Variants in SDAD1 observed in about 807,000 individuals in gnomAD.
The protein encoded by SDAD1 is protein SDA1 homolog.
A neutral mutation model predicts 100.3 loss-of-function variants in SDAD1; 79 were observed. The ratio of observed to expected loss-of-function variants is 0.79; its 90% confidence interval spans 0.66 to 0.95. The LOEUF (loss-of-function observed/expected upper bound fraction) is 0.95. SDAD1 is among the 40% of genes least tolerant of loss of function. The pLI is 0.00. For synonymous variants in SDAD1, 267 were observed against 271.4 expected, an observed-to-expected ratio of 0.98 and a Z score of 0.16; for missense variants, 790 against 810.9, an observed-to-expected ratio of 0.97 and a Z score of 0.31.
At chr4:75,986,823 G>A (rs1279812719) in intron 1 of SDAD1, among the ~76,000 whole-genome samples, 2 of 152,108 alleles carry the variant, frequency 1.3e-5, no homozygotes, top group Non-Finnish European at 2.9e-5. Context: ...TTTCAGCTTG[G>A]AGACCAGCCT....
chr4:75,955,336 A>C (rs377567712), intron 21 of SDAD1, among the ~76,000 whole-genome samples: 7 of 152,048 alleles, frequency 4.6e-5, no homozygotes, highest in African/African-American at 1.7e-4. Flanking sequence ...CAGGACCAGA[A>C]GGCGGTGACC....
chr4:75,954,304 C>T (rs1192498545), intron 21 of SDAD1, among the ~76,000 whole-genome samples: 1 of 150,874 alleles, frequency 6.6e-6, no homozygotes, highest in Non-Finnish European at 1.5e-5. Context: ...ATGCCGTGAA[C>T]CCGGGAGGCA....
rs544192309 is a variant in SDAD1 at position 75,959,482 on chromosome 4, T to C, written c.1483+584A>G. Among the ~76,000 whole-genome samples, 336 of 152,088 alleles carry C rather than the reference T, an allele frequency of 2.2e-3. 1 individual carries two copies. Among genetic ancestry groups the C allele is most frequent in the Non-Finnish European group, 4.1e-3 (277 of 67,996 alleles). ...AGTCAGGCATGGCTGCACACGCCTG[T>C]AATCCCAGCTACTCAAGATGCCGAG... On this transcript the variant is annotated intron_variant, in intron 17 of 21. Coordinates refer to ENST00000356260, the MANE Select transcript of SDAD1 (RefSeq NM_018115.4).
chr4:75,990,887 A>T lies in SDAD1; in HGVS notation c.-46T>A, dbSNP rs1202225730. The T allele has an allele frequency of 8.1e-6, 13 of 1,612,490 alleles. No individual in the cohort carries two copies. The highest frequency in any genetic ancestry group is 1.1e-5 in the Non-Finnish European group (13 of 1,179,168). On this transcript the variant is annotated 5_prime_UTR_variant, in exon 1 of 22. Transcript: ENST00000356260. The stretch of plus-strand genomic sequence containing the variant: ...GCGGCGAGCAGTTTTAAAAAAACTC[A>T]GACGGCCGGCACCCCGCAATCCCTG...
chr4:75,965,004 T>C (rs1035363375), intron 13 of SDAD1, among the ~76,000 whole-genome samples: 4 of 152,202 alleles, frequency 2.6e-5, no homozygotes, highest in Admixed American at 2.0e-4. Flanking sequence ...GTAACAGCGA[T>C]GTTCAGGGAA....
chr4:75,963,906 T>A (rs962681842), intron 14 of SDAD1, among the ~76,000 whole-genome samples: 2 of 152,156 alleles, frequency 1.3e-5, no homozygotes, highest in African/African-American at 4.8e-5. Context: ...AAAGTAAAAC[T>A]GCTAAAAAAC....
At chr4:75,988,529 A>G (rs1255427264) in intron 1 of SDAD1, among the ~76,000 whole-genome samples, 1 of 152,194 alleles carries the variant, frequency 6.6e-6, no homozygotes, top group Non-Finnish European at 1.5e-5. Flanking sequence ...CCCAACATAC[A>G]TAAGTACTTT....
At position 75,969,401 on chromosome 4, in the gene SDAD1, T is replaced by C; in HGVS notation, c.884-2A>G. On this transcript the variant is annotated splice_acceptor_variant, in intron 10 of 21. Coordinates refer to ENST00000356260, the MANE Select transcript of SDAD1 (RefSeq NM_018115.4). LOFTEE classifies it high-confidence loss of function. Reference sequence around the variant, plus strand: ...GCTTTAGTAGTTTTTCCGCAAAATCTGGCAAGGAGAGGATGAAAGAAGTAC... The same window carrying C: ...GCTTTAGTAGTTTTTCCGCAAAATCCGGCAAGGAGAGGATGAAAGAAGTAC... 1 of 1,609,666 alleles carries C rather than the reference T, an allele frequency of 6.2e-7. No homozygotes were observed. The highest frequency in any genetic ancestry group is 8.5e-7 in the Non-Finnish European group (1 of 1,176,474).
In SDAD1 at chr4:75,965,923, C is replaced by T. The variant is rs1729512635; in HGVS notation, c.1046-101G>A. 3.7e-5 allele frequency: 33 copies of T among 901,742 alleles called. No homozygotes were observed. In the South Asian group the frequency reaches 4.7e-4, roughly 13 times the overall value. 55.9% of individuals were successfully genotyped at this position (901,742 alleles called of 1,614,324 possible). A position where few individuals can be genotyped will look rare whatever the true frequency, so the allele number is the denominator to read the frequency against. Reference sequence around the variant, plus strand: ...GCTCATTCTGGTCTAAATGGTATTGCTGCGTATTCCACCTGGAACACTCAA... The same window carrying T: ...GCTCATTCTGGTCTAAATGGTATTGTTGCGTATTCCACCTGGAACACTCAA... On this transcript the variant is annotated intron_variant, in intron 12 of 21. Transcript: ENST00000356260.
chr4:75,972,836 A>G (rs1330521251), intron 8 of SDAD1, among the ~76,000 whole-genome samples: 1 of 151,832 alleles, frequency 6.6e-6, no homozygotes, highest in East Asian at 1.9e-4. Context: ...CCTGGCTAAC[A>G]CGGTGAAACC....
chr4:75,955,859 T>TCCCAAGACACACACAATAATGCCCC, intron 21 of SDAD1, 116 bp downstream of exon 21: 9 of 1,203,798 alleles, frequency 7.5e-6, no homozygotes, highest in Non-Finnish European at 1.0e-5. Flanking sequence ...CCAACAATGC[T>TCCCAAGACACACACAATAATGCCCC]CCCAAGACAC....
At position 75,990,608 on chromosome 4, in the gene SDAD1, C is replaced by T; in HGVS notation, c.90+144G>A. 4 of 1,570,546 alleles carry T rather than the reference C, an allele frequency of 2.5e-6. No homozygotes were observed. The Admixed American group carries it at 5.1e-5, about 20-fold the overall frequency. On this transcript the variant is annotated intron_variant, in intron 1 of 21. Coordinates refer to ENST00000356260, the MANE Select transcript of SDAD1 (RefSeq NM_018115.4). The stretch of plus-strand genomic sequence containing the variant: ...CCCTAAGGCATGTCCCGTCCCCAAC[C>T]CCTTCTCTCCTCTGGAGGGACCCCT...
At chr4:75,978,533 T>G (rs897319968) in intron 3 of SDAD1, among the ~76,000 whole-genome samples, 1 of 152,002 alleles carries the variant, frequency 6.6e-6, no homozygotes, top group Non-Finnish European at 1.5e-5. Context: ...CACCAACTCT[T>G]ACATGTAGCC....
intron 14 of SDAD1, among the ~76,000 whole-genome samples, 156 bp downstream of exon 14, chr4:75,963,979 T>C (rs1729393483): frequency 6.6e-6 from 1 of 152,146 alleles, no homozygotes; most frequent in Non-Finnish European, 1.5e-5. Context: ...TTCTGACCAA[T>C]AAAAAAATTA....
chr4:75,958,426 T>C (rs1393256298), intron 17 of SDAD1, among the ~76,000 whole-genome samples: 1 of 152,196 alleles, frequency 6.6e-6, no homozygotes, highest in African/African-American at 2.4e-5. Context: ...TTCAGACAAC[T>C]GAGGTAGAAT....
rs749996453 is a variant in SDAD1, at chr4:75,956,014, A to C, written c.1977T>G (p.Asn659Lys). The C allele has an allele frequency of 6.2e-7, 1 of 1,602,320 alleles. No homozygotes were observed. The highest frequency in any genetic ancestry group is 1.1e-5 in the South Asian group (1 of 87,728). ...AGGAACGCTTATTTTTTGACCGGAC[A>C]TTCTGGCTATACCGCATCATCATAA... ...KNFMMMRYSQ[N>K]VRSKNKRSFR... is the part of the protein sequence containing the mutation. Residue 659 changes from asparagine (N) to lysine (K), a missense_variant, in exon 21 of 22, where the codon AAT becomes AAG. By Grantham distance (94) the Asn-to-Lys change is moderately conservative (BLOSUM62 0). Transcript: ENST00000356260.
intron 10 of SDAD1, 69 bp from the exon 11 acceptor site, chr4:75,969,468 T>A: frequency 2.9e-6 from 3 of 1,027,104 alleles, no homozygotes; most frequent in Non-Finnish European, 4.5e-6. Context: ...GTAACAGGCG[T>A]AGGAAAAGAC....
chr4:75,971,828 C>A (rs1212646601), intron 8 of SDAD1, among the ~76,000 whole-genome samples: 1 of 151,908 alleles, frequency 6.6e-6, no homozygotes, highest in Non-Finnish European at 1.5e-5. Flanking sequence ...GCTGAGATCA[C>A]GCCACTGCAC....
At chr4:75,954,126 A>T (rs1344657048) in intron 21 of SDAD1, among the ~76,000 whole-genome samples, 1 of 152,128 alleles carries the variant, frequency 6.6e-6, no homozygotes, top group Non-Finnish European at 1.5e-5. Flanking sequence ...TCACGCCTGT[A>T]ATCCCAGCAC....
Sources: gnomAD v4.1 joint callset for allele counts (sites outside exome capture counted in the v4.1 genomes callset) on GRCh38, gnomAD v4.1.1 for gene constraint, MANE v1.5 for transcripts, NCBI Gene and HGNC (gene_info 2026-07-23, HGNC 2026-07-21) for gene names.